Variants in DNAH17 observed in about 807,000 individuals in gnomAD.
The protein encoded by DNAH17 is axonemal beta dynein heavy chain 17.
A neutral mutation model predicts 485.6 loss-of-function variants in DNAH17; 376 were observed. The ratio of observed to expected loss-of-function variants is 0.77; its 90% CI spans 0.71 to 0.84. The LOEUF is 0.84. Among genes scored for constraint, DNAH17 ranks in the 40% least tolerant of loss-of-function variants. The pLI, the probability that DNAH17 is intolerant of heterozygous loss-of-function variation, is 0.00. For synonymous variants in DNAH17, 3,031 were observed against 2,405.9 expected (o/e 1.26, Z -7.60); for missense variants, 6,370 against 5,839.3 (o/e 1.09, Z -2.96).
chr17:78,570,856 C>CAAAAAAAAAAAAAAAAAAAAAAAAA (rs60897530), intron 6 of DNAH17, 92 bp downstream of exon 6: 24 of 292,104 alleles, frequency 8.2e-5, no homozygotes, highest in Admixed American at 3.6e-4. Flanking sequence ...GACTCCCTCT[C>CAAAAAAAAAAAAAAAAAAAAAAAAA]AAAAAAAAAA....
At chr17:78,459,326 TCA>T (rs1041352514) in intron 60 of DNAH17, 118 bp from the exon 61 acceptor site, 29 of 980,624 alleles carry the variant, frequency 3.0e-5, no homozygotes, top group Middle Eastern at 3.1e-4. Flanking sequence ...GCGCTGGGAT[TCA>T]CACAGTCAGG....
At chr17:78,529,240 A>C (rs958988318) in intron 22 of DNAH17, among the ~76,000 whole-genome samples, 1 of 152,014 alleles carries the variant, frequency 6.6e-6, no homozygotes, top group Non-Finnish European at 1.5e-5. Flanking sequence ...TAATCCAACA[A>C]AACACCAATG....
At chr17:78,550,554 C>G (rs1311555112) in intron 16 of DNAH17, among the ~76,000 whole-genome samples, 1 of 152,212 alleles carries the variant, frequency 6.6e-6, no homozygotes, top group African/African-American at 2.4e-5. Flanking sequence ...AGGACACAGA[C>G]ACACAGAGGG....
At chr17:78,470,314 C>T in intron 54 of DNAH17, among the ~76,000 whole-genome samples, 1 of 150,726 alleles carries the variant, frequency 6.6e-6, no homozygotes, top group Non-Finnish European at 1.5e-5. Context: ...GTGATCTGCC[C>T]ACCTCGGCCT....
chr17:78,467,535 G>A (rs1294153118), intron 55 of DNAH17, among the ~76,000 whole-genome samples: 1 of 152,140 alleles, frequency 6.6e-6, no homozygotes, highest in Non-Finnish European at 1.5e-5. Context: ...TTCACTAATT[G>A]GGCTATGCAG....
chr17:78,444,933 A>G lies in DNAH17; in HGVS notation c.11335-136T>C, dbSNP rs367633026. On this transcript the variant is annotated intron_variant, in intron 70 of 80. Transcript: ENST00000389840. Reference sequence around the variant, plus strand: ...GGGCTCTGGGATAAGGAAGCCCGAGAGGCTGGCCACCAAAGCAGGAGCTGT... The same window carrying G: ...GGGCTCTGGGATAAGGAAGCCCGAGGGGCTGGCCACCAAAGCAGGAGCTGT... 1.3e-5 allele frequency: 12 copies of G among 891,186 alleles called. No individual in the cohort carries two copies. The African/African-American group carries it at 1.9e-4, about 14-fold the overall frequency. The allele number at this position is 891,186 out of a possible 1,614,324, so 55.2% of individuals were successfully genotyped here.
chr17:78,501,103 C>A (rs2090271740), intron 35 of DNAH17, 81 bp downstream of exon 35: 7 of 1,460,196 alleles, frequency 4.8e-6, no homozygotes, highest in Admixed American at 2.1e-5. Context: ...CCACAGCTGA[C>A]CTCCAAGTCG....
chr17:78,462,687 G>A (rs371194882), intron 57 of DNAH17, among the ~76,000 whole-genome samples, 157 bp downstream of exon 57: 29 of 152,294 alleles, frequency 1.9e-4, no homozygotes, highest in African/African-American at 6.7e-4. Context: ...CTCTGGCCTA[G>A]GAGTAAATGC....
intron 2 of DNAH17, among the ~76,000 whole-genome samples, chr17:78,574,280 A>G (rs2092402328): frequency 6.6e-6 from 1 of 152,118 alleles, no homozygotes; most frequent in African/African-American, 2.4e-5. Context: ...GCTTGAGCCC[A>G]GGAGTCTTGA....
At chr17:78,491,933 G>A (rs919042660) in intron 42 of DNAH17, among the ~76,000 whole-genome samples, 4 of 152,208 alleles carry the variant, frequency 2.6e-5, no homozygotes, top group South Asian at 2.1e-4. Context: ...AGAAGTCTGC[G>A]GAGCACGCTT....
chr17:78,571,160 C>T (rs1434323036), intron 5 of DNAH17, 119 bp downstream of exon 5: 7 of 1,269,610 alleles, frequency 5.5e-6, no homozygotes, highest in African/African-American at 1.5e-5. Flanking sequence ...GTGGAGGGGG[C>T]TGAGAAAGCT....
At chr17:78,431,026 A>T (rs1003296636) in intron 75 of DNAH17, among the ~76,000 whole-genome samples, 1 of 151,324 alleles carries the variant, frequency 6.6e-6, no homozygotes, top group African/African-American at 2.4e-5. Context: ...GCCTACAGTC[A>T]CACCACCATG....
rs759131475 is a variant in DNAH17, at chr17:78,427,003, A to C, written c.12694T>G (p.Phe4232Val). The C allele has an allele frequency of 1.2e-6, 2 of 1,610,438 alleles. No homozygotes were observed. Among genetic ancestry groups the C allele is most frequent in the South Asian group, 2.2e-5 (2 of 90,194 alleles). Residue 4232 changes from phenylalanine (F) to valine (V), a missense_variant, in exon 78 of 81, where the codon TTT (phenylalanine) becomes GTT (valine). Transcript: ENST00000389840. The part of the protein sequence containing the change: ...AEKTPYVVVA[F>V]QECERMNILT... ...ATGTTCATTCTTTCACATTCTTGAA[A>C]GGCGACTACCACGTAGGGGGTCTTT...
chr17:78,429,425 C>G (rs1441014829), intron 75 of DNAH17, 125 bp from the exon 76 acceptor site: 1 of 1,075,230 alleles, frequency 9.3e-7, no homozygotes, highest in Non-Finnish European at 1.3e-6. Context: ...TCTCGCCCTC[C>G]AGGTCAGCCT....
At chr17:78,565,947 T>C (rs749862964) in intron 11 of DNAH17, among the ~76,000 whole-genome samples, 7 of 151,650 alleles carry the variant, frequency 4.6e-5, no homozygotes, top group Non-Finnish European at 8.8e-5. Context: ...CAAGACTCCA[T>C]CTCAAAAAAC....
Position 78,475,295 on chromosome 17 carries a change from C to G in DNAH17, c.8494G>C (p.Gly2832Arg). 6.2e-7 allele frequency: 1 copy of G among 1,613,972 alleles called. No homozygotes were observed. Among genetic ancestry groups the G allele is most frequent in the South Asian group, 1.1e-5 (1 of 91,084 alleles). ...GCTCTCACCTTGAGGTCGGGGATCC[C>G]GTAGCCCTTCTTGAGGGTGATCTGA... ...VFQITLKKGY[G>R]IPDLKIDLAA... Residue 2832 changes from glycine to arginine, a missense_variant, in exon 54 of 81, where the codon GGG becomes CGG. By Grantham distance (125) the Gly-to-Arg change is moderately radical. Transcript: ENST00000389840.
At chr17:78,455,432 T>A (rs557759790) in intron 63 of DNAH17, among the ~76,000 whole-genome samples, 1 of 151,468 alleles carries the variant, frequency 6.6e-6, no homozygotes, top group South Asian at 2.1e-4. Context: ...TTCAAGTGAT[T>A]CTCCTGCCTC....
intron 66 of DNAH17, 130 bp downstream of exon 66, chr17:78,451,339 T>C: frequency 1.3e-6 from 1 of 788,988 alleles, no homozygotes; most frequent in South Asian, 1.8e-5. Context: ...TGGGACACAC[T>C]GAGGCACCTT....
chr17:78,513,323 C>T (rs79642145), intron 26 of DNAH17, among the ~76,000 whole-genome samples: 17,123 of 152,134 alleles, frequency 0.11, 1,222 homozygotes, highest in Middle Eastern at 0.17. Flanking sequence ...TGAAAGAAAT[C>T]GCAGTATTTT....
Sources: allele counts gnomAD v4.1 joint callset (sites outside exome capture counted in the v4.1 genomes callset), GRCh38; gene constraint gnomAD v4.1.1; transcripts MANE v1.5; gene names NCBI Gene and HGNC (gene_info 2026-07-23, HGNC 2026-07-21).